TNS3: variants seen among roughly 807,000 people sequenced by gnomAD.
The protein encoded by TNS3 is tensin 3.
Under a neutral mutation model 140.9 loss-of-function variants are expected in TNS3, and 45 were observed. The observed-to-expected ratio is 0.32, with a 90% CI of 0.25 to 0.41. The LOEUF (loss-of-function observed/expected upper bound fraction) is 0.41. Among genes scored for constraint, TNS3 ranks in the 10% least tolerant of loss-of-function variants. The pLI is 1.00. For synonymous variants in TNS3, 815 were observed against 788.4 expected (o/e 1.03, Z -0.56); for missense variants, 1,716 against 1,906.7 (o/e 0.90, Z 1.86).
intron 10 of TNS3, among the ~76,000 whole-genome samples, chr7:47,422,446 T>A (rs1410899891): frequency 1.3e-5 from 2 of 152,106 alleles, no homozygotes; most frequent in East Asian, 3.9e-4. Flanking sequence ...AGACACTGTC[T>A]CCACAAAAAT....
At chr7:47,496,475 G>T (rs941465176) in intron 3 of TNS3, among the ~76,000 whole-genome samples, 2 of 152,178 alleles carry the variant, frequency 1.3e-5, no homozygotes, top group Admixed American at 1.3e-4. Flanking sequence ...AAGCAGGCGG[G>T]GGGAGGTGAG....
At chr7:47,320,047 C>T (rs188532538) in intron 20 of TNS3, among the ~76,000 whole-genome samples, 1 of 152,314 alleles carries the variant, frequency 6.6e-6, no homozygotes, top group East Asian at 1.9e-4. Context: ...ACTCTCATTG[C>T]AGTAAATATA....
At chr7:47,363,195 C>T (rs866176088) in intron 17 of TNS3, among the ~76,000 whole-genome samples, 2,478 of 147,894 alleles carry the variant, frequency 0.017, 61 homozygotes, top group African/African-American at 0.059. Context: ...CCATCAACAT[C>T]AACATCATCA....
At chr7:47,449,266 T>C (rs1029084858) in intron 4 of TNS3, among the ~76,000 whole-genome samples, 1 of 152,164 alleles carries the variant, frequency 6.6e-6, no homozygotes, top group African/African-American at 2.4e-5. Context: ...TAGTGCGGCA[T>C]TTCAAATGGA....
intron 20 of TNS3, among the ~76,000 whole-genome samples, chr7:47,335,125 T>G (rs1788559859): frequency 6.6e-6 from 1 of 152,230 alleles, no homozygotes; most frequent in Admixed American, 6.5e-5. Context: ...GCATGTCCAT[T>G]TGAGGCTCCC....
At chr7:47,280,094 T>C in intron 30 of TNS3, 70 bp downstream of exon 30, 1 of 1,587,934 alleles carries the variant, frequency 6.3e-7, no homozygotes, top group East Asian at 2.2e-5. Flanking sequence ...TGTGCAAATC[T>C]GGAAGAGAAT....
intron 20 of TNS3, among the ~76,000 whole-genome samples, chr7:47,339,799 TGA>T (rs1381725226): frequency 1.3e-5 from 2 of 151,976 alleles, no homozygotes; most frequent in African/African-American, 4.8e-5. Context: ...TCTACTAGGT[TGA>T]GTTTTCCATC....
chr7:47,506,854 T>A, intron 3 of TNS3, 53 bp downstream of exon 3: 5 of 1,263,132 alleles, frequency 4.0e-6, no homozygotes, highest in Non-Finnish European at 5.2e-6. Flanking sequence ...TATCATTCAA[T>A]GAAGGCCAAG....
intron 27 of TNS3, among the ~76,000 whole-genome samples, chr7:47,289,074 C>G (rs1027125772): frequency 3.3e-5 from 5 of 152,150 alleles, no homozygotes; most frequent in African/African-American, 1.2e-4. Context: ...CTACAAAATT[C>G]CATTCAAAAC....
chr7:47,409,949 G>A (rs1793673849), intron 13 of TNS3, among the ~76,000 whole-genome samples: 1 of 152,148 alleles, frequency 6.6e-6, no homozygotes, highest in Non-Finnish European at 1.5e-5. Flanking sequence ...GAGCCACTGC[G>A]CCCAGCCCGG....
intron 1 of TNS3, among the ~76,000 whole-genome samples, chr7:47,577,850 G>A (rs1184226230): frequency 6.6e-6 from 1 of 152,170 alleles, no homozygotes; most frequent in Non-Finnish European, 1.5e-5. Context: ...GACAGGGACA[G>A]AGAGGTCTCT....
At chr7:47,518,322 G>A (rs1204514985) in intron 2 of TNS3, among the ~76,000 whole-genome samples, 3 of 151,992 alleles carry the variant, frequency 2.0e-5, no homozygotes, top group Admixed American at 6.6e-5. Flanking sequence ...AGGTCCCTCC[G>A]CCGATGTCAT....
intron 8 of TNS3, among the ~76,000 whole-genome samples, chr7:47,434,683 G>A (rs184365444): frequency 1.6e-4 from 24 of 152,310 alleles, no homozygotes; most frequent in African/African-American, 5.1e-4. Context: ...GAAGGAGCCC[G>A]ATGCAGCCAG....
chr7:47,515,361 A>G (rs1798746184), intron 2 of TNS3, among the ~76,000 whole-genome samples: 1 of 152,110 alleles, frequency 6.6e-6, no homozygotes, highest in South Asian at 2.1e-4. Flanking sequence ...CATCATCATC[A>G]CAATCGTTAC....
rs148256374 is a variant in TNS3 at position 47,521,261 on chromosome 7, T to G, written c.-153+7775A>C. ...CCAAGGAGGCTGCAAATACCTCTGA[T>G]AAAGCACTCCTCACACGGGATCCTG... On this transcript the variant is annotated intron_variant, in intron 2 of 30. Transcript: ENST00000311160. Among the ~76,000 whole-genome samples the G allele has an allele frequency of 3.0e-3, 464 of 152,260 alleles. 4 individuals are homozygous for G. Among genetic ancestry groups the G allele is most frequent in the African/African-American group, 0.01 (435 of 41,542 alleles).
At chr7:47,460,461 C>T (rs180839065) in intron 4 of TNS3, among the ~76,000 whole-genome samples, 1 of 152,258 alleles carries the variant, frequency 6.6e-6, no homozygotes, top group Admixed American at 6.5e-5. Flanking sequence ...CTGACTAAGA[C>T]GACATCTGAA....
chr7:47,502,961 G>A (rs139018861), intron 3 of TNS3, among the ~76,000 whole-genome samples: 4 of 152,198 alleles, frequency 2.6e-5, no homozygotes, highest in Admixed American at 2.6e-4. Context: ...CTGAGGATGA[G>A]CCAGGGGGTC....
intron 2 of TNS3, among the ~76,000 whole-genome samples, chr7:47,527,247 TAATA>T (rs1432669674): frequency 1.3e-5 from 2 of 151,858 alleles, no homozygotes; most frequent in South Asian, 2.1e-4. Flanking sequence ...AAAAATAAAT[TAATA>T]AATAAATAAA....
intron 4 of TNS3, among the ~76,000 whole-genome samples, chr7:47,465,189 T>C (rs539782890): frequency 6.6e-6 from 1 of 152,380 alleles, no homozygotes; most frequent in South Asian, 2.1e-4. Flanking sequence ...TGCCATGTGT[T>C]GACAAACTCA....
Sources: gnomAD v4.1 joint callset for allele counts (sites outside exome capture counted in the v4.1 genomes callset) on GRCh38, gnomAD v4.1.1 for gene constraint, MANE v1.5 for transcripts, NCBI Gene and HGNC (gene_info 2026-07-23, HGNC 2026-07-21) for gene names.